TNKS: variants seen among roughly 807,000 people sequenced by gnomAD.
TNKS encodes poly [ADP-ribose] polymerase tankyrase-1.
A neutral mutation model predicts 135.8 loss-of-function variants in TNKS; 72 were observed. The observed-to-expected ratio is 0.53, with a 90% CI of 0.44 to 0.64. The LOEUF is 0.64. Ranked by LOEUF, TNKS falls within the 30% of genes least tolerant of loss-of-function variation. The pLI, the probability that TNKS is intolerant of heterozygous loss-of-function variation, is 0.00. For missense variants in TNKS, 1,769 were observed against 1,674.0 expected (o/e 1.06, Z -0.99); for synonymous variants, 849 against 649.3 (o/e 1.31, Z -4.68).
intron 3 of TNKS, among the ~76,000 whole-genome samples, chr8:9,643,854 G>C (rs1434329113): frequency 1.3e-5 from 2 of 152,170 alleles, no homozygotes; most frequent in Non-Finnish European, 2.9e-5. Context: ...GCAGTAACCA[G>C]TAGGTAAAAG....
intron 11 of TNKS, among the ~76,000 whole-genome samples, chr8:9,719,077 T>G (rs140506264): frequency 6.6e-6 from 1 of 152,230 alleles, no homozygotes; most frequent in African/African-American, 2.4e-5. Context: ...GTGTTATCCA[T>G]TGATACATGC....
rs1001691949 is a variant in TNKS, at chr8:9,710,194, G to A, written c.1723G>A (p.Glu575Lys). Reference sequence around the variant, plus strand: ...CGAAAGAGCCCATAATGATGTCATGGAAGTTCTGCATAAGCATGGCGCCAA... The same window carrying A: ...CGAAAGAGCCCATAATGATGTCATGAAAGTTCTGCATAAGCATGGCGCCAA... Reference protein sequence around the residue: ...AAERAHNDVMEVLHKHGAKMN... With the variant: ...AAERAHNDVMKVLHKHGAKMN... The change falls in exon 11 of 27, where the codon GAA becomes AAA. Residue 575 changes from glutamate to lysine, a missense_variant. By Grantham distance (56) the Glu-to-Lys change is moderately conservative (BLOSUM62 1). Around this residue, in one of 5 missense-constraint regions of TNKS, gnomAD observed 523 missense variants for 541.0 expected, o/e 0.97. Coordinates refer to ENST00000310430, the MANE Select transcript of TNKS (RefSeq NM_003747.3). 2 of 1,614,214 alleles carry A rather than the reference G, an allele frequency of 1.2e-6. No individual in the cohort carries two copies. Among genetic ancestry groups the A allele is most frequent in the African/African-American group, 1.3e-5 (1 of 75,056 alleles).
intron 20 of TNKS, among the ~76,000 whole-genome samples, chr8:9,753,161 A>T: frequency 1.3e-5 from 2 of 151,986 alleles, no homozygotes; most frequent in Middle Eastern, 6.8e-3. Context: ...TATGCATTTT[A>T]TTACATGTCA....
At chr8:9,693,166 G>T (rs1475427369) in intron 5 of TNKS, among the ~76,000 whole-genome samples, 1 of 152,138 alleles carries the variant, frequency 6.6e-6, no homozygotes, top group African/African-American at 2.4e-5. Context: ...AATATGTTTT[G>T]ATAAGACAGA....
intron 1 of TNKS, among the ~76,000 whole-genome samples, chr8:9,563,564 T>C (rs1797417155): frequency 6.6e-6 from 1 of 152,334 alleles, no homozygotes; most frequent in Middle Eastern, 3.4e-3. Context: ...CTGACCTCTG[T>C]TATAAGGCAT....
intron 21 of TNKS, among the ~76,000 whole-genome samples, chr8:9,762,028 A>G (rs1650776273): frequency 6.6e-6 from 1 of 152,252 alleles, no homozygotes; most frequent in Admixed American, 6.5e-5. Context: ...AAATGATTAT[A>G]TGATCATATC....
chr8:9,690,752 G>C (rs191653371), intron 5 of TNKS, among the ~76,000 whole-genome samples: 9 of 152,276 alleles, frequency 5.9e-5, no homozygotes, highest in Admixed American at 4.6e-4. Context: ...TTGAATTACA[G>C]AAACCTTGTT....
intron 3 of TNKS, among the ~76,000 whole-genome samples, chr8:9,632,887 G>A (rs369881945): frequency 2.6e-5 from 4 of 151,948 alleles, no homozygotes; most frequent in African/African-American, 7.3e-5. Flanking sequence ...CTGCCACCAC[G>A]CCCGGCTAAT....
intron 2 of TNKS, among the ~76,000 whole-genome samples, chr8:9,592,288 A>T (rs762125368): frequency 5.3e-5 from 8 of 152,168 alleles, no homozygotes; most frequent in Non-Finnish European, 1.2e-4. Flanking sequence ...TTCTGTTAGC[A>T]TTGTGAACAT....
At chr8:9,706,750 T>G in intron 7 of TNKS, 61 bp from the exon 8 acceptor site, 1 of 1,470,476 alleles carries the variant, frequency 6.8e-7, no homozygotes. Flanking sequence ...AAATGTCTTT[T>G]GAGTTTTATT....
At chr8:9,742,226 T>C (rs1169806480) in intron 17 of TNKS, among the ~76,000 whole-genome samples, 1 of 152,176 alleles carries the variant, frequency 6.6e-6, no homozygotes, top group Admixed American at 6.5e-5. Context: ...ATTAAACTTG[T>C]AAATTTAAAA....
In TNKS at chr8:9,646,849, A is replaced by G. The variant is rs183482137; in HGVS notation, c.994+31172A>G. Reference sequence around the variant, plus strand: ...CTTTGGGGTCCTATGAGTAAACCTAATCCTTTTGTACTCTGGCAGTTCATC... The same window carrying G: ...CTTTGGGGTCCTATGAGTAAACCTAGTCCTTTTGTACTCTGGCAGTTCATC... On this transcript the variant is annotated intron_variant, in intron 3 of 26. Transcript: ENST00000310430. Among the ~76,000 whole-genome samples, 45 of 152,206 alleles carry G rather than the reference A, an allele frequency of 3.0e-4. No individual in the cohort carries two copies. The East Asian group carries it at 8.3e-3, about 28-fold the overall frequency.
At chr8:9,560,011 G>C (rs1400297073) in intron 1 of TNKS, among the ~76,000 whole-genome samples, 2 of 152,042 alleles carry the variant, frequency 1.3e-5, no homozygotes, top group Non-Finnish European at 2.9e-5. Flanking sequence ...TTTTATTGTT[G>C]ACTAGAATTT....
chr8:9,557,120 G>C (rs182659012), intron 1 of TNKS: 1 of 162,360 alleles, frequency 6.2e-6, no homozygotes, highest in Non-Finnish European at 1.3e-5. Context: ...TTCTAAAGAA[G>C]TTTGCAGTCT....
In TNKS at chr8:9,714,586, G is replaced by T. The variant is rs562510597; in HGVS notation, c.1749+4366G>T. The stretch of plus-strand genomic sequence containing the variant: ...AATAATCAAGACTGTAGTAGATACT[G>T]TGGAAAATACCAGTTTGAAAGTTAA... On this transcript the variant is annotated intron_variant, in intron 11 of 26. Transcript: ENST00000310430. 2.0e-5 allele frequency among the ~76,000 whole-genome samples: 3 copies of T among 152,252 alleles called. No individual in the cohort carries two copies. The South Asian group carries it at 6.2e-4, about 32-fold the overall frequency.
chr8:9,584,108 G>T (rs1798276829), intron 2 of TNKS, among the ~76,000 whole-genome samples: 1 of 147,164 alleles, frequency 6.8e-6, no homozygotes, highest in African/African-American at 2.5e-5. Context: ...AGCTTGCAGT[G>T]AGCCGAGATT....
chr8:9,719,292 CT>C (rs902262059), intron 11 of TNKS, among the ~76,000 whole-genome samples: 3 of 152,086 alleles, frequency 2.0e-5, no homozygotes, highest in African/African-American at 7.2e-5. Flanking sequence ...TTTATCCTTT[CT>C]TTTCTTAATC....
chr8:9,733,993 T>G (rs1223248039), intron 15 of TNKS, among the ~76,000 whole-genome samples: 1 of 152,188 alleles, frequency 6.6e-6, no homozygotes, highest in East Asian at 1.9e-4. Flanking sequence ...ACTTAAAGTA[T>G]ATTTTTAAAA....
chr8:9,727,407 G>A (rs181497130), intron 13 of TNKS, among the ~76,000 whole-genome samples: 88 of 152,112 alleles, frequency 5.8e-4, no homozygotes, highest in Non-Finnish European at 2.8e-4. Context: ...AAAGTTTTTT[G>A]TTTGGAGATT....
Sources: allele counts gnomAD v4.1 joint callset (sites outside exome capture counted in the v4.1 genomes callset), GRCh38; gene constraint gnomAD v4.1.1; regional missense constraint gnomAD v4.1.1; transcripts MANE v1.5; gene names NCBI Gene and HGNC (gene_info 2026-07-23, HGNC 2026-07-21).